The following CFAP54 variants were observed in gnomAD, a reference collection of about 807,000 sequenced individuals.
CFAP54 encodes cilia and flagella associated protein 54.
CFAP54 carries 290 observed loss-of-function variants against 370.4 expected under a neutral mutation model. The ratio of observed to expected loss-of-function variants is 0.78; its 90% CI spans 0.71 to 0.86. The LOEUF (loss-of-function observed/expected upper bound fraction) is 0.86, where lower values mean the gene tolerates loss of function less well. Among genes scored for constraint, CFAP54 ranks in the 40% least tolerant of loss-of-function variants. The probability of loss-of-function intolerance (pLI) is 0.00; values close to 1 mark genes in which losing one functional copy is unlikely to be tolerated. For synonymous variants in CFAP54, 1,206 were observed against 1,236.5 expected, an observed-to-expected ratio of 0.98 and a Z score of 0.52; for missense variants, 3,399 against 3,528.7, an observed-to-expected ratio of 0.96 and a Z score of 0.93.
At chr12:96,735,354 A>C (rs1165122995) in intron 50 of CFAP54, among the ~76,000 whole-genome samples, 1 of 152,216 alleles carries the variant, frequency 6.6e-6, no homozygotes, top group African/African-American at 2.4e-5. Context: ...CCAGGAAAGA[A>C]GAGTGGTCGC....
intron 1 of CFAP54, among the ~76,000 whole-genome samples, chr12:96,490,680 A>T (rs1954871853): frequency 6.6e-6 from 1 of 151,756 alleles, no homozygotes; most frequent in East Asian, 1.9e-4. Flanking sequence ...CGACAGAGCA[A>T]GACTCCTTCT....
intron 32 of CFAP54, among the ~76,000 whole-genome samples, chr12:96,642,492 A>C (rs1204073896): frequency 6.6e-6 from 1 of 152,052 alleles, no homozygotes; most frequent in Non-Finnish European, 1.5e-5. Context: ...AAATCTCTGT[A>C]TCTCTCTATC....
chr12:96,851,318 C>A (rs6538744), intron 66 of CFAP54, among the ~76,000 whole-genome samples: 62,123 of 151,810 alleles, frequency 0.41, 14,005 homozygotes, highest in African/African-American at 0.6. Flanking sequence ...AAAATGTTTG[C>A]TTCATAAATG....
chr12:96,715,122 G>C (rs1442508691), intron 48 of CFAP54, among the ~76,000 whole-genome samples: 1 of 152,174 alleles, frequency 6.6e-6, no homozygotes, highest in Admixed American at 6.6e-5. Context: ...TGAGAAGCAG[G>C]GAGAAAGTGT....
At chr12:96,812,597 T>G (rs1002439729) in intron 64 of CFAP54, among the ~76,000 whole-genome samples, 15 of 152,350 alleles carry the variant, frequency 9.8e-5, no homozygotes, top group Middle Eastern at 3.4e-3. Flanking sequence ...AGGACTAAGA[T>G]AGACAGTGTG....
chr12:96,826,055 T>C (rs945241084), intron 65 of CFAP54, among the ~76,000 whole-genome samples: 63 of 145,060 alleles, frequency 4.3e-4, no homozygotes, highest in African/African-American at 1.5e-3. Flanking sequence ...ATATTTTATA[T>C]ATACACACAC....
intron 67 of CFAP54, among the ~76,000 whole-genome samples, chr12:96,861,252 A>T (rs911538555): frequency 3.3e-5 from 5 of 152,190 alleles, no homozygotes; most frequent in African/African-American, 4.8e-5. Flanking sequence ...GCAAGATTGG[A>T]TTAAACCAGT....
In CFAP54 at chr12:96,792,451, A is replaced by C. The variant is rs568588270; in HGVS notation, c.8802A>C (p.Gln2934His). ...TQASNKELCF[Q>H]WYIPPLDRPP... The stretch of plus-strand genomic sequence containing the variant: ...CTTCAAACAAAGAACTTTGCTTTCA[A>C]TGGTACATTCCTCCCCTGGATAGAC... Residue 2934 changes from glutamine to histidine, a missense_variant, in exon 63 of 68, where the codon CAA (glutamine) becomes CAC (histidine). Physicochemically the swap from Gln to His is conservative, Grantham distance 24. Coordinates refer to ENST00000524981, the MANE Select transcript of CFAP54 (RefSeq NM_001306084.2). 6.5e-7 allele frequency: 1 copy of C among 1,535,842 alleles called. No homozygotes were observed. The highest frequency in any genetic ancestry group is 8.7e-7 in the Non-Finnish European group (1 of 1,146,800).
chr12:96,766,479 A>T (rs1958403026), intron 60 of CFAP54, among the ~76,000 whole-genome samples: 1 of 152,056 alleles, frequency 6.6e-6, no homozygotes, highest in South Asian at 2.1e-4. Context: ...TTTGCTTAAC[A>T]CTGTTTGGCA....
At chr12:96,713,018 A>G (rs1957632220) in intron 48 of CFAP54, among the ~76,000 whole-genome samples, 1 of 152,202 alleles carries the variant, frequency 6.6e-6, no homozygotes, top group Non-Finnish European at 1.5e-5. Context: ...AATGGCTTTT[A>G]CCAAAAAGAC....
At chr12:96,705,559 G>C (rs1310490357) in intron 47 of CFAP54, among the ~76,000 whole-genome samples, 1 of 151,956 alleles carries the variant, frequency 6.6e-6, no homozygotes, top group Non-Finnish European at 1.5e-5. Context: ...GAATATTTCT[G>C]TCTTTCCTAT....
At chr12:96,653,058 C>G (rs960888970) in intron 36 of CFAP54, among the ~76,000 whole-genome samples, 1 of 152,170 alleles carries the variant, frequency 6.6e-6, no homozygotes, top group Non-Finnish European at 1.5e-5. Flanking sequence ...GGTGACATGC[C>G]CTGATTCCAC....
intron 65 of CFAP54, among the ~76,000 whole-genome samples, chr12:96,826,554 T>C (rs1392159678): frequency 1.3e-5 from 1 of 79,380 alleles, no homozygotes; most frequent in South Asian, 3.3e-4. Context: ...AATTTATATA[T>C]AATATATAAT....
At position 96,691,874 on chromosome 12, in the gene CFAP54, G is replaced by A. The variant is rs146550946; in HGVS notation, c.6264+564G>A. Reference sequence around the variant, plus strand: ...AGTGTATGTCATAAATTTGAAGCTGGTTGCATTAAAAAAATTAGTATGTTC... The same window carrying A: ...AGTGTATGTCATAAATTTGAAGCTGATTGCATTAAAAAAATTAGTATGTTC... On this transcript the variant is annotated intron_variant, in intron 44 of 67. Coordinates refer to ENST00000524981, the MANE Select transcript of CFAP54 (RefSeq NM_001306084.2). Among the ~76,000 whole-genome samples the A allele has an allele frequency of 9.2e-5, 14 of 151,920 alleles. 1 individual carries two copies. Among genetic ancestry groups the A allele is most frequent in the African/African-American group, 3.4e-4 (14 of 41,452 alleles).
At chr12:96,627,083 G>A (rs2136471826) in intron 30 of CFAP54, 144 bp downstream of exon 30, 1 of 467,760 alleles carries the variant, frequency 2.1e-6, no homozygotes, top group East Asian at 3.6e-5. Context: ...GAAAATTCAT[G>A]TCTGTGTAAA....
At chr12:96,591,924 G>C (rs1208777938) in intron 23 of CFAP54, among the ~76,000 whole-genome samples, 1 of 134,956 alleles carries the variant, frequency 7.4e-6, no homozygotes, top group Non-Finnish European at 1.6e-5. Context: ...TTTTTTTTTT[G>C]TGGGGAATGT....
Position 96,527,420 on chromosome 12 carries a change from A to G in CFAP54, c.1333A>G (p.Met445Val). The part of the protein sequence containing the change: ...EIHDVVSELF[M>V]AGKELLIMSN... ...TCATGATGTTGTCTCAGAATTGTTT[A>G]TGGCAGGAAAAGAACTTTTGATAAG... The change falls in exon 9 of 68, where the codon ATG becomes GTG. Residue 445 changes from methionine to valine, a missense_variant. Physicochemically the swap from Met to Val is conservative, Grantham distance 21. Transcript: ENST00000524981. The G allele has an allele frequency of 6.6e-7, 1 of 1,521,410 alleles. No homozygotes were observed. The highest frequency in any genetic ancestry group is 8.8e-7 in the Non-Finnish European group (1 of 1,138,350). The allele number at this position is 1,521,410 out of a possible 1,614,324, so 94.2% of individuals were successfully genotyped here.
At chr12:96,827,926 TTA>T (rs1216137618) in intron 65 of CFAP54, among the ~76,000 whole-genome samples, 2 of 111,946 alleles carry the variant, frequency 1.8e-5, no homozygotes, top group African/African-American at 3.6e-5. Flanking sequence ...ATATATTATA[TTA>T]TATATAGTTA....
At chr12:96,805,425 G>C (rs1379192302) in intron 63 of CFAP54, among the ~76,000 whole-genome samples, 2 of 151,766 alleles carry the variant, frequency 1.3e-5, no homozygotes, top group Non-Finnish European at 2.9e-5. Flanking sequence ...CTAAAAGCAT[G>C]AACATATATT....
Sources: allele counts gnomAD v4.1 joint callset (sites outside exome capture counted in the v4.1 genomes callset), GRCh38; gene constraint gnomAD v4.1.1; transcripts MANE v1.5; gene names NCBI Gene and HGNC (gene_info 2026-07-23, HGNC 2026-07-21).